Variants in WIPF1 observed in about 807,000 individuals in gnomAD.
WIPF1 encodes the protein WAS/WASL-interacting protein family member 1.
WIPF1 carries 13 observed loss-of-function variants against 35.4 expected under a neutral mutation model. The observed-to-expected ratio is 0.37, with a 90% CI of 0.24 to 0.58. The LOEUF (loss-of-function observed/expected upper bound fraction) is 0.58. Among genes scored for constraint, WIPF1 ranks in the 20% least tolerant of loss-of-function variants. The probability of loss-of-function intolerance (pLI) is 0.74; values close to 1 mark genes in which losing one functional copy is unlikely to be tolerated. For missense variants in WIPF1, 591 were observed against 667.0 expected (o/e 0.89, Z 1.25); for synonymous variants, 267 against 266.3 (o/e 1.00, Z -0.02).
At chr2:174,595,990 A>T (rs1032436417) in intron 1 of WIPF1, among the ~76,000 whole-genome samples, 1 of 152,236 alleles carries the variant, frequency 6.6e-6, no homozygotes, top group Non-Finnish European at 1.5e-5. Flanking sequence ...AAAGGTCATA[A>T]CACTTAAAGG....
Position 174,585,553 on chromosome 2 carries a change from T to C in WIPF1, c.21A>G (p.Pro7=). The C allele has an allele frequency of 7.4e-7, 1 of 1,356,880 alleles. No homozygotes were observed. Among genetic ancestry groups the C allele is most frequent in the Non-Finnish European group, 9.9e-7 (1 of 1,005,120 alleles). The allele number at this position is 1,356,880 out of a possible 1,614,324, so 84.1% of individuals were successfully genotyped here. The change falls in exon 2 of 8, where the codon CCA becomes CCG. Residue 7 remains proline (P), a synonymous_variant. Transcript: ENST00000679041. MPVPPP[P]APPPPPTFAL... ...CAAACGTCGGGGGCGGCGGGGGTGC[T>C]GGAGGGGGAGGGACAGGCATCTTGG...
chr2:174,602,249 A>G (rs80352647), upstream of WIPF1, among the ~76,000 whole-genome samples: 1,642 of 152,358 alleles, frequency 0.011, 28 homozygotes, highest in African/African-American at 0.037. Flanking sequence ...AGAAGATTAT[A>G]AAACAATAAT....
At chr2:174,593,375 C>T (rs563375716) in intron 1 of WIPF1, among the ~76,000 whole-genome samples, 2 of 152,226 alleles carry the variant, frequency 1.3e-5, no homozygotes, top group East Asian at 3.9e-4. Context: ...GTTATTACAA[C>T]CATAAAAAAT....
chr2:174,637,335 G>C (rs558113113), intron 1 of WIPF1, among the ~76,000 whole-genome samples: 2 of 151,636 alleles, frequency 1.3e-5, no homozygotes, highest in South Asian at 4.2e-4. Flanking sequence ...TTATGATTTT[G>C]GTTTCTTTTT....
At chr2:174,657,268 G>A (rs1025219489) in intron 1 of WIPF1, among the ~76,000 whole-genome samples, 5 of 152,164 alleles carry the variant, frequency 3.3e-5, no homozygotes, top group East Asian at 1.9e-4. Flanking sequence ...ATTTTCTAAC[G>A]TATTATACTG....
At chr2:174,570,723 G>C (rs1234849210) in intron 5 of WIPF1, 1 of 152,188 alleles carries the variant, frequency 6.6e-6, no homozygotes, top group Non-Finnish European at 1.5e-5. Context: ...AAAGAATGGT[G>C]ATTATGAGGT....
At chr2:174,591,679 C>G (rs1381737952) in intron 1 of WIPF1, among the ~76,000 whole-genome samples, 1 of 151,406 alleles carries the variant, frequency 6.6e-6, no homozygotes, top group Non-Finnish European at 1.5e-5. Flanking sequence ...TGCTTACACA[C>G]ACACACACAC....
intron 1 of WIPF1, among the ~76,000 whole-genome samples, chr2:174,649,236 T>C (rs1390374206): frequency 6.6e-6 from 1 of 152,240 alleles, no homozygotes; most frequent in Non-Finnish European, 1.5e-5. Flanking sequence ...AACTAGCTAC[T>C]TCATCTGTGT....
At chr2:174,647,518 CGCG>C (rs1559171691) in intron 1 of WIPF1, among the ~76,000 whole-genome samples, 34 of 151,954 alleles carry the variant, frequency 2.2e-4, no homozygotes, top group African/African-American at 7.3e-4. Flanking sequence ...GGATTACAGG[CGCG>C]TGCCACTATG....
At chr2:174,583,840 G>A (rs181750229) in intron 2 of WIPF1, among the ~76,000 whole-genome samples, 169 of 151,566 alleles carry the variant, frequency 1.1e-3, no homozygotes, top group Middle Eastern at 6.8e-3. Context: ...GTTTTTTTGC[G>A]ACAGAGTCTT....
chr2:174,606,881 C>A (rs1259300271), intron 1 of WIPF1, among the ~76,000 whole-genome samples: 10 of 152,128 alleles, frequency 6.6e-5, no homozygotes, highest in Admixed American at 6.6e-4. Flanking sequence ...ATACTGGCGA[C>A]TGAGTAATTT....
chr2:174,575,498 T>C (rs1245742760), intron 3 of WIPF1, 118 bp from the exon 4 acceptor site: 2 of 1,431,790 alleles, frequency 1.4e-6, no homozygotes, highest in Admixed American at 2.5e-5. Flanking sequence ...AACTGGGATT[T>C]CTTCATTAAA....
intron 6 of WIPF1, 133 bp downstream of exon 6, chr2:174,567,728 T>G: frequency 1.1e-6 from 1 of 947,656 alleles, no homozygotes; most frequent in Non-Finnish European, 1.5e-6. Context: ...AATGGTTAGA[T>G]AGTTAGATCA....
At chr2:174,577,915 T>C (rs1461747873) in intron 3 of WIPF1, among the ~76,000 whole-genome samples, 1 of 105,826 alleles carries the variant, frequency 9.4e-6, no homozygotes, top group Non-Finnish European at 2.0e-5. Context: ...AGACCCTGTC[T>C]CCAAAAAAAA....
At chr2:174,646,442 T>C (rs769677800) in intron 1 of WIPF1, among the ~76,000 whole-genome samples, 19 of 152,382 alleles carry the variant, frequency 1.2e-4, no homozygotes, top group Non-Finnish European at 1.9e-4. Flanking sequence ...TTTTCTCATC[T>C]ATAACATGGA....
intron 1 of WIPF1, chr2:174,625,519 A>C (rs1686802798): frequency 6.6e-6 from 1 of 152,088 alleles, no homozygotes; most frequent in African/African-American, 2.4e-5. Flanking sequence ...TCACCACTTC[A>C]CTTCACCTCT....
In WIPF1 at chr2:174,575,195, T is replaced by C; in HGVS notation, c.358+9A>G. 3 of 1,598,034 alleles carry C rather than the reference T, an allele frequency of 1.9e-6. No individual in the cohort carries two copies. Among genetic ancestry groups the C allele is most frequent in the East Asian group, 2.2e-5 (1 of 44,584 alleles). On this transcript the variant is annotated intron_variant, in intron 4 of 7. Coordinates refer to ENST00000679041, the MANE Select transcript of WIPF1 (RefSeq NM_001375834.1). ...TTCAGTCACTCAGAGACAGGGAAAC[T>C]CTCCTTACCATTATCCCTGTTGGCC...
At chr2:174,620,696 A>C (rs1686646729) in intron 1 of WIPF1, among the ~76,000 whole-genome samples, 1 of 152,190 alleles carries the variant, frequency 6.6e-6, no homozygotes, top group Non-Finnish European at 1.5e-5. Flanking sequence ...AGGTAAGAAA[A>C]GAGGGATTCA....
chr2:174,565,829 A>G (rs1233741453), intron 7 of WIPF1, among the ~76,000 whole-genome samples: 3 of 152,186 alleles, frequency 2.0e-5, no homozygotes, highest in Non-Finnish European at 4.4e-5. Flanking sequence ...CCTCAGCCTC[A>G]TGGATGACAT....
Sources: gnomAD v4.1 joint callset for allele counts (sites outside exome capture counted in the v4.1 genomes callset) on GRCh38, gnomAD v4.1.1 for gene constraint, MANE v1.5 for transcripts, NCBI Gene and HGNC (gene_info 2026-07-23, HGNC 2026-07-21) for gene names.